The following CDH23 variants were observed in gnomAD, a reference collection of about 807,000 sequenced individuals.
CDH23 encodes the protein cadherin related 23, also known as cadherin-23.
Under a neutral mutation model 317.1 loss-of-function variants are expected in CDH23, and 189 were observed. That is an observed-to-expected ratio of 0.60 (90% CI 0.53 to 0.67). CDH23 has a LOEUF of 0.67. Among genes scored for constraint, CDH23 ranks in the 30% least tolerant of loss-of-function variants. CDH23 has a pLI of 0.00. For synonymous variants in CDH23, 1,839 were observed against 1,876.8 expected, an observed-to-expected ratio of 0.98 and a Z score of 0.52; for missense variants, 4,401 against 4,592.4, an observed-to-expected ratio of 0.96 and a Z score of 1.20.
chr10:71,499,149 A>T (rs1235555339), intron 3 of CDH23, among the ~76,000 whole-genome samples: 1 of 152,236 alleles, frequency 6.6e-6, no homozygotes, highest in Admixed American at 6.5e-5. Context: ...TAAGCCAGGC[A>T]CAGAAAGACA....
At chr10:71,564,626 G>A (rs755985235) in intron 6 of CDH23, among the ~76,000 whole-genome samples, 6 of 152,190 alleles carry the variant, frequency 3.9e-5, no homozygotes, top group African/African-American at 4.8e-5. Flanking sequence ...AAATGTCCTC[G>A]CCTCCCCGAG....
At chr10:71,594,537 C>T (rs554148291) in intron 9 of CDH23, among the ~76,000 whole-genome samples, 2 of 152,204 alleles carry the variant, frequency 1.3e-5, no homozygotes, top group African/African-American at 4.8e-5. Context: ...CCACACCTGG[C>T]TAATTTTTGT....
intron 1 of CDH23, among the ~76,000 whole-genome samples, chr10:71,417,252 T>C (rs1308241526): frequency 6.6e-6 from 1 of 152,030 alleles, no homozygotes; most frequent in East Asian, 1.9e-4. Flanking sequence ...AATTTTTGTA[T>C]TTTTAGTAGA....
intron 7 of CDH23, among the ~76,000 whole-genome samples, chr10:71,567,666 C>T (rs17635709): frequency 0.24 from 36,693 of 152,210 alleles, 4,520 homozygotes; most frequent in African/African-American, 0.27. Context: ...TCAAGAACAT[C>T]GCAGCATGCC....
Position 71,480,546 on chromosome 10 carries a change from C to A in CDH23, c.146-29536C>A, listed in dbSNP as rs534918246. The stretch of plus-strand genomic sequence containing the variant: ...TGCATTGGAGCTGAGACTTGAGGGA[C>A]AACTTGGATGTGAGGATGGAGGAGT... On this transcript the variant is annotated intron_variant, in intron 3 of 69. Coordinates refer to ENST00000224721, the MANE Select transcript of CDH23 (RefSeq NM_022124.6). Among the ~76,000 whole-genome samples, 5 of 152,292 alleles carry A rather than the reference C, an allele frequency of 3.3e-5. No individual in the cohort carries two copies. In the South Asian group the frequency reaches 6.2e-4, roughly 19 times the overall value.
At chr10:71,725,303 T>C in intron 29 of CDH23, 69 bp from the exon 30 acceptor site, 7 of 1,609,094 alleles carry the variant, frequency 4.4e-6, no homozygotes, top group South Asian at 1.1e-5. Flanking sequence ...CCCCCAACCA[T>C]GGCAGGCCAG....
intron 1 of CDH23, among the ~76,000 whole-genome samples, chr10:71,422,221 C>G (rs1271757297): frequency 6.6e-6 from 1 of 151,880 alleles, no homozygotes. Context: ...GTCAAGGAAC[C>G]ATCATCTTGA....
chr10:71,659,888 C>T (rs568630221), intron 14 of CDH23, among the ~76,000 whole-genome samples: 25 of 151,852 alleles, frequency 1.6e-4, no homozygotes, highest in South Asian at 8.3e-4. Context: ...ATAAAGACCG[C>T]GTCCTCCAGA....
At chr10:71,422,111 T>C (rs1175245930) in intron 1 of CDH23, among the ~76,000 whole-genome samples, 1 of 152,202 alleles carries the variant, frequency 6.6e-6, no homozygotes, top group East Asian at 1.9e-4. Context: ...TGGTGTTTAA[T>C]GATTTTCTGA....
chr10:71,774,419 C>T (rs1349399962), intron 38 of CDH23, among the ~76,000 whole-genome samples: 1 of 152,218 alleles, frequency 6.6e-6, no homozygotes, highest in Non-Finnish European at 1.5e-5. Context: ...AATGTCCTGA[C>T]CCTTCCTTTT....
chr10:71,718,391 C>G (rs1268023705), intron 28 of CDH23, among the ~76,000 whole-genome samples: 1 of 142,144 alleles, frequency 7.0e-6, no homozygotes, highest in Non-Finnish European at 1.5e-5. Context: ...CCCAGCACTT[C>G]CAGGCAGAAA....
At chr10:71,633,156 G>T (rs1012886196) in intron 11 of CDH23, among the ~76,000 whole-genome samples, 4 of 151,890 alleles carry the variant, frequency 2.6e-5, no homozygotes, top group African/African-American at 9.7e-5. Context: ...CCATTCATGG[G>T]TGCAGAGCCC....
chr10:71,621,309 A>G (rs111983609), intron 11 of CDH23, among the ~76,000 whole-genome samples: 23 of 152,338 alleles, frequency 1.5e-4, no homozygotes, highest in Admixed American at 2.0e-4. Flanking sequence ...GGGAGCCAGC[A>G]GAGCAGTCAG....
At chr10:71,532,724 T>TG (rs1855463080) in intron 6 of CDH23, among the ~76,000 whole-genome samples, 4 of 68,776 alleles carry the variant, frequency 5.8e-5, no homozygotes, top group Non-Finnish European at 8.0e-5. Flanking sequence ...TTTTTTTTTT[T>TG]TTGTTTTTTT....
rs1380151653 is a variant in CDH23 at position 71,707,556 on chromosome 10, G to A, written c.3106+507G>A. 3 of 1,018,720 alleles carry A rather than the reference G, an allele frequency of 2.9e-6. No individual in the cohort carries two copies. The African/African-American group carries it at 5.1e-5, about 17-fold the overall frequency. The allele number at this position is 1,018,720 out of a possible 1,614,324, so 63.1% of individuals were successfully genotyped here. A position where few individuals can be genotyped will look rare whatever the true frequency, so the allele number is the denominator to read the frequency against. ...CAGAGCTGTGGCCACAGATGATGAG[G>A]CCATGTCCTGGCTCACAGGGGAAAG... On this transcript the variant is annotated intron_variant, in intron 26 of 69. Transcript: ENST00000224721.
chr10:71,802,174 G>A (rs565443244), intron 53 of CDH23, among the ~76,000 whole-genome samples: 1 of 152,216 alleles, frequency 6.6e-6, no homozygotes, highest in African/African-American at 2.4e-5. Context: ...CAGGCATGGT[G>A]GTGTTTGCCT....
intron 38 of CDH23, chr10:71,761,871 C>T: frequency 1.9e-6 from 3 of 1,614,144 alleles, no homozygotes; most frequent in Non-Finnish European, 1.7e-6. Flanking sequence ...CAGGTCTGCA[C>T]CTCGCCCCTC....
intron 23 of CDH23, 81 bp from the exon 24 acceptor site, chr10:71,702,468 A>G (rs1865627838): frequency 2.6e-6 from 4 of 1,563,174 alleles, no homozygotes; most frequent in Non-Finnish European, 3.5e-6. Context: ...CCACCCTCTC[A>G]CCACTTGCCT....
chr10:71,490,921 C>A (rs1852620255), intron 3 of CDH23, among the ~76,000 whole-genome samples: 1 of 152,122 alleles, frequency 6.6e-6, no homozygotes, highest in South Asian at 2.1e-4. Context: ...AATCTAGCTG[C>A]AGAGCCCACC....
Sources: gnomAD v4.1 joint callset for allele counts (sites outside exome capture counted in the v4.1 genomes callset) on GRCh38, gnomAD v4.1.1 for gene constraint, MANE v1.5 for transcripts, NCBI Gene and HGNC (gene_info 2026-07-23, HGNC 2026-07-21) for gene names.